The following NRG3 variants were observed in gnomAD, a reference collection of about 807,000 sequenced individuals.
NRG3 encodes the protein pro-neuregulin-3, membrane-bound isoform.
NRG3 carries 31 observed loss-of-function variants against 66.9 expected under a neutral mutation model. The observed-to-expected ratio is 0.46, with a 90% CI of 0.35 to 0.63. NRG3 has a LOEUF of 0.63. Ranked by LOEUF, NRG3 falls within the 20% of genes least tolerant of loss-of-function variation. NRG3 has a pLI of 0.00. For synonymous variants in NRG3, 393 were observed against 359.4 expected (o/e 1.09, Z -1.06); for missense variants, 910 against 878.9 (o/e 1.04, Z -0.45).
At chr10:82,458,951 C>A (rs539552052) in intron 2 of NRG3, among the ~76,000 whole-genome samples, 100 of 152,250 alleles carry the variant, frequency 6.6e-4, no homozygotes, top group Middle Eastern at 3.4e-3. Flanking sequence ...AACAGAAGGT[C>A]ATCAGCCTCC....
chr10:82,715,353 C>T lies in NRG3; in HGVS notation c.954-23224C>T, dbSNP rs372937350. Among the ~76,000 whole-genome samples, 6 of 152,246 alleles carry T rather than the reference C, an allele frequency of 3.9e-5. No homozygotes were observed. In the East Asian group the frequency reaches 7.7e-4, roughly 20 times the overall value. On this transcript the variant is annotated intron_variant, in intron 2 of 8. Transcript: ENST00000372141. ...CAGAGGTTGCAGTGAGCTGAGATCT[C>T]GCCACTGCACTCCAACCTGGGTGAC... is the stretch of plus-strand genomic sequence containing the variant.
At chr10:82,375,541 A>G (rs956649484) in intron 2 of NRG3, among the ~76,000 whole-genome samples, 5 of 151,952 alleles carry the variant, frequency 3.3e-5, no homozygotes, top group Non-Finnish European at 7.4e-5. Context: ...CATCTCAAAA[A>G]AAAAAAAAAA....
chr10:82,100,094 A>G (rs932750802), intron 1 of NRG3, among the ~76,000 whole-genome samples: 12 of 151,810 alleles, frequency 7.9e-5, no homozygotes, highest in Non-Finnish European at 1.8e-4. Context: ...TGTCCTCAAT[A>G]TTTTGTCACT....
At chr10:82,794,463 A>C (rs192026924) in intron 3 of NRG3, among the ~76,000 whole-genome samples, 3 of 152,286 alleles carry the variant, frequency 2.0e-5, no homozygotes, top group Admixed American at 2.0e-4. Flanking sequence ...ACTGGTGCTT[A>C]TTCAGCCGAG....
intron 2 of NRG3, among the ~76,000 whole-genome samples, chr10:82,414,082 T>A (rs564485830): frequency 6.6e-6 from 1 of 152,266 alleles, no homozygotes; most frequent in Admixed American, 6.5e-5. Flanking sequence ...ACAACTTGGC[T>A]CAATGTTTAG....
At chr10:82,599,989 C>T (rs892398467) in intron 2 of NRG3, among the ~76,000 whole-genome samples, 1 of 152,108 alleles carries the variant, frequency 6.6e-6, no homozygotes, top group Non-Finnish European at 1.5e-5. Flanking sequence ...ATGCTCTCTG[C>T]ATTCTCTACT....
chr10:82,011,878 A>C (rs956322538), intron 1 of NRG3, among the ~76,000 whole-genome samples: 1 of 152,056 alleles, frequency 6.6e-6, no homozygotes, highest in Admixed American at 6.5e-5. Flanking sequence ...AGCTGCTTTC[A>C]GAGGCTGGTG....
chr10:81,885,847 T>C (rs1320683850), intron 1 of NRG3, among the ~76,000 whole-genome samples: 1 of 152,150 alleles, frequency 6.6e-6, no homozygotes, highest in Non-Finnish European at 1.5e-5. Context: ...AAATTTATTG[T>C]TAGACCAAAG....
At chr10:82,319,508 G>T (rs191075866) in intron 1 of NRG3, among the ~76,000 whole-genome samples, 30 of 152,302 alleles carry the variant, frequency 2.0e-4, no homozygotes, top group Non-Finnish European at 3.8e-4. Context: ...CTGGCATGGT[G>T]TTGCTTTTCT....
chr10:82,204,286 C>A (rs1218463797), intron 1 of NRG3, among the ~76,000 whole-genome samples: 3 of 152,138 alleles, frequency 2.0e-5, no homozygotes, highest in African/African-American at 7.2e-5. Flanking sequence ...ACAAAGGTTT[C>A]TTTCTTATAC....
intron 4 of NRG3, among the ~76,000 whole-genome samples, chr10:82,926,331 T>C (rs1321730031): frequency 5.3e-5 from 8 of 152,192 alleles, no homozygotes; most frequent in Non-Finnish European, 4.4e-5. Context: ...TCAAGTTTGG[T>C]ATCTACAGGG....
chr10:81,877,643 C>G (rs1841793333), intron 1 of NRG3: 16 of 1,195,984 alleles, frequency 1.3e-5, no homozygotes, highest in Non-Finnish European at 1.7e-5. Context: ...AAAAGCAAAC[C>G]TACTTTGCTT....
chr10:82,319,322 A>G (rs146757847), intron 1 of NRG3, among the ~76,000 whole-genome samples: 15 of 152,346 alleles, frequency 9.8e-5, no homozygotes, highest in African/African-American at 3.1e-4. Flanking sequence ...AAAGGTTCCA[A>G]GAGGCAAGCT....
intron 3 of NRG3, among the ~76,000 whole-genome samples, chr10:82,764,689 T>A (rs1240729993): frequency 4.6e-5 from 7 of 152,100 alleles, no homozygotes; most frequent in Non-Finnish European, 4.4e-5. Context: ...AAATAAAAAA[T>A]TTTTAAAAAA....
In NRG3 at chr10:82,520,075, G is replaced by T. The variant is rs74983936; in HGVS notation, c.953+161207G>T. ...AGATCATTTTTCCTGTGCTATGGGG[G>T]TAAGTGTTAGCTTCTTTCTCCTGGA... On this transcript the variant is annotated intron_variant, in intron 2 of 8. Coordinates refer to ENST00000372141, the MANE Select transcript of NRG3 (RefSeq NM_001010848.4). Among the ~76,000 whole-genome samples, 40 of 151,564 alleles carry T rather than the reference G, an allele frequency of 2.6e-4. 1 individual carries two copies. In the East Asian group the frequency reaches 4.3e-3, roughly 16 times the overall value.
intron 2 of NRG3, among the ~76,000 whole-genome samples, chr10:82,610,239 C>A (rs1184037086): frequency 6.6e-6 from 1 of 152,154 alleles, no homozygotes; most frequent in African/African-American, 2.4e-5. Flanking sequence ...TTTTAAGTGA[C>A]TTGATTGGGA....
At chr10:82,035,587 T>G (rs776319736) in intron 1 of NRG3, among the ~76,000 whole-genome samples, 1 of 152,148 alleles carries the variant, frequency 6.6e-6, no homozygotes, top group Non-Finnish European at 1.5e-5. Context: ...TGAAAATATT[T>G]CACCATGTAT....
chr10:82,935,099 C>A (rs913020589), intron 4 of NRG3, among the ~76,000 whole-genome samples: 4 of 152,158 alleles, frequency 2.6e-5, no homozygotes, highest in Non-Finnish European at 5.9e-5. Flanking sequence ...CTGAATACAT[C>A]AATATATTTG....
chr10:82,346,386 G>A (rs1200113217), intron 1 of NRG3, among the ~76,000 whole-genome samples: 1 of 138,862 alleles, frequency 7.2e-6, no homozygotes, highest in Non-Finnish European at 1.5e-5. Flanking sequence ...TGCGTATATT[G>A]AACCAGCCTT....
Sources: gnomAD v4.1 joint callset for allele counts (sites outside exome capture counted in the v4.1 genomes callset) on GRCh38, gnomAD v4.1.1 for gene constraint, MANE v1.5 for transcripts, NCBI Gene and HGNC (gene_info 2026-07-23, HGNC 2026-07-21) for gene names.